The following ANO5 variants were observed in gnomAD, a reference collection of about 807,000 sequenced individuals.
The protein encoded by ANO5 is anoctamin 5.
Under a neutral mutation model 121.0 loss-of-function variants are expected in ANO5, and 109 were observed. The observed-to-expected ratio is 0.90, with a 90% CI of 0.77 to 1.06. ANO5 has a LOEUF of 1.06. Ranked by LOEUF, ANO5 falls within the 50% of genes least tolerant of loss-of-function variation. The pLI is 0.00. For missense variants in ANO5, 1,064 were observed against 1,078.5 expected (o/e 0.99, Z 0.19); for synonymous variants, 406 against 359.9 (o/e 1.13, Z -1.45).
intron 1 of ANO5, among the ~76,000 whole-genome samples, chr11:22,196,800 C>T (rs1171981967): frequency 1.3e-5 from 2 of 152,000 alleles, no homozygotes; most frequent in African/African-American, 2.4e-5. Context: ...ACCTGGGAGG[C>T]GTACGTTGCA....
intron 1 of ANO5, among the ~76,000 whole-genome samples, chr11:22,197,227 A>G (rs1262911916): frequency 2.0e-5 from 3 of 152,228 alleles, no homozygotes; most frequent in South Asian, 2.1e-4. Context: ...GTGATCTCCA[A>G]TTGGCTAATT....
intron 12 of ANO5, among the ~76,000 whole-genome samples, chr11:22,252,486 A>G (rs1564937545): frequency 6.6e-6 from 1 of 152,188 alleles, no homozygotes; most frequent in Non-Finnish European, 1.5e-5. Flanking sequence ...CACAAGTGAG[A>G]CTGATCACAT....
chr11:22,237,403 T>C (rs1196810647), intron 8 of ANO5, among the ~76,000 whole-genome samples: 1 of 152,118 alleles, frequency 6.6e-6, no homozygotes, highest in Admixed American at 6.6e-5. Context: ...TTTACTTTTG[T>C]TTTTTGAGAC....
chr11:22,257,077 T>TG (rs1246863917), intron 13 of ANO5, among the ~76,000 whole-genome samples: 4 of 146,402 alleles, frequency 2.7e-5, no homozygotes, highest in African/African-American at 8.3e-5. Flanking sequence ...ACAGCGTTTT[T>TG]TTTTTGTTTG....
At chr11:22,266,878 C>G (rs1301053683) in intron 17 of ANO5, among the ~76,000 whole-genome samples, 1 of 152,152 alleles carries the variant, frequency 6.6e-6, no homozygotes, top group Non-Finnish European at 1.5e-5. Context: ...TAACTCATCC[C>G]TCTCCAGTTG....
rs1372735468 is a variant in ANO5, at chr11:22,281,003, T to C, written c.*1238T>C. 1 of 152,014 alleles carries C rather than the reference T, an allele frequency of 6.6e-6. No individual in the cohort carries two copies. The highest frequency in any genetic ancestry group is 1.5e-5 in the Non-Finnish European group (1 of 67,894). The allele number at this position is 152,014 out of a possible 1,614,324, so 9.4% of individuals were successfully genotyped here. On this transcript the variant is annotated 3_prime_UTR_variant, in exon 22 of 22. Transcript: ENST00000324559. ...GGGGGAAAAAATGTTTGTTGAATTA[T>C]TCCTCTCAAATTTAGGCTTGTGTTA...
chr11:22,208,559 G>C (rs945318588), intron 2 of ANO5, among the ~76,000 whole-genome samples: 1 of 152,016 alleles, frequency 6.6e-6, no homozygotes, highest in African/African-American at 2.4e-5. Flanking sequence ...TAAAAGGGTA[G>C]CATGAGGAAG....
intron 9 of ANO5, among the ~76,000 whole-genome samples, chr11:22,246,457 T>C (rs897661849): frequency 6.6e-6 from 1 of 152,158 alleles, no homozygotes; most frequent in African/African-American, 2.4e-5. Flanking sequence ...GTCATGATAC[T>C]GAAGGCCTGT....
chr11:22,210,239 TAAATA>T (rs1180922616), intron 2 of ANO5, among the ~76,000 whole-genome samples: 1 of 151,976 alleles, frequency 6.6e-6, no homozygotes. Context: ...TAATTTATAT[TAAATA>T]TAGTGGTATG....
chr11:22,264,702 G>A (rs1402729274), intron 17 of ANO5, among the ~76,000 whole-genome samples: 1 of 152,074 alleles, frequency 6.6e-6, no homozygotes, highest in Non-Finnish European at 1.5e-5. Context: ...AGGTGATACT[G>A]TCATTAAAAT....
chr11:22,270,481 T>C (rs374835860), intron 18 of ANO5, 39 bp downstream of exon 18: 2 of 1,612,440 alleles, frequency 1.2e-6, no homozygotes, highest in Admixed American at 3.3e-5. Flanking sequence ...AGAGTTGGCA[T>C]GAATGAGTGG....
At chr11:22,220,136 A>G (rs1852593523) in intron 4 of ANO5, among the ~76,000 whole-genome samples, 1 of 151,954 alleles carries the variant, frequency 6.6e-6, no homozygotes, top group African/African-American at 2.4e-5. Context: ...ATAGGGTACA[A>G]TAAAGGAAAC....
chr11:22,193,439 C>T lies in ANO5; in HGVS notation c.-54C>T. The stretch of plus-strand genomic sequence containing the variant: ...CCTCAGATCTCCACGTCTGTCTCAG[C>T]TGCCCCTCTCCTGCTGCCTCTCAGG... On this transcript the variant is annotated 5_prime_UTR_variant, in exon 1 of 22. Coordinates refer to ENST00000324559, the MANE Select transcript of ANO5 (RefSeq NM_213599.3). 1.3e-6 allele frequency: 2 copies of T among 1,584,716 alleles called. No homozygotes were observed. Among genetic ancestry groups the T allele is most frequent in the Non-Finnish European group, 1.7e-6 (2 of 1,166,092 alleles).
In ANO5 at chr11:22,272,839, T is replaced by C. The variant is rs1854672864; in HGVS notation, c.2085T>C (p.Leu695=). 6.2e-7 allele frequency: 1 copy of C among 1,614,156 alleles called. No homozygotes were observed. Among genetic ancestry groups the C allele is most frequent in the African/African-American group, 1.3e-5 (1 of 75,054 alleles). ...TGGCCTCTTTTCCTTTGGCTCCTCT[T>C]CTTGCTCTCATAAATAATATTGTAG... ...LFVASFPLAP[L]LALINNIVEI... is the part of the protein sequence containing the mutation. Residue 695 remains leucine, a synonymous_variant, in exon 19 of 22, where the codon CTT becomes CTC. Coordinates refer to ENST00000324559, the MANE Select transcript of ANO5 (RefSeq NM_213599.3).
chr11:22,193,565 C>A (rs1248003523), intron 1 of ANO5, 33 bp downstream of exon 1: 6 of 1,606,882 alleles, frequency 3.7e-6, no homozygotes, highest in Non-Finnish European at 4.2e-6. Flanking sequence ...CAAGGGAGAG[C>A]CAGGCTGGCT....
intron 1 of ANO5, among the ~76,000 whole-genome samples, chr11:22,194,813 T>C (rs546130015): frequency 1.3e-5 from 2 of 152,354 alleles, no homozygotes; most frequent in African/African-American, 4.8e-5. Context: ...TGTAGAGATA[T>C]AGCATACCTA....
rs1433367040 is a variant in ANO5 at position 22,201,068 on chromosome 11, A to G, written c.41-2736A>G. Among the ~76,000 whole-genome samples, 7 of 152,194 alleles carry G rather than the reference A, an allele frequency of 4.6e-5. No individual in the cohort carries two copies. The East Asian group carries it at 1.3e-3, about 29-fold the overall frequency. On this transcript the variant is annotated intron_variant, in intron 1 of 21. Coordinates refer to ENST00000324559, the MANE Select transcript of ANO5 (RefSeq NM_213599.3). ...CTTGTGCATGCTTTAAATCATTGCT[A>G]GATTACTTATAATATGTAATACAAA... is the stretch of plus-strand genomic sequence containing the variant.
intron 17 of ANO5, among the ~76,000 whole-genome samples, chr11:22,269,134 A>AGGAAG (rs1321177145): frequency 6.9e-6 from 1 of 145,280 alleles, no homozygotes; most frequent in Admixed American, 6.8e-5. Flanking sequence ...AGGAAAGGAA[A>AGGAAG]GGAAGGGAGA....
In ANO5 at chr11:22,274,895, TC is replaced by T. The variant is rs1854775856; in HGVS notation, c.2414+149del. 12 of 1,120,640 alleles carry T rather than the reference TC, an allele frequency of 1.1e-5. No homozygotes were observed. In the South Asian group the frequency reaches 1.6e-4, roughly 15 times the overall value. 69.4% of individuals were successfully genotyped at this position (1,120,640 alleles called of 1,614,324 possible). ...AAATAAAGTGTATCCATTCTAGAAT[TC>T]ACACATTGCATGATTCAGATTTGAA... On this transcript the variant is annotated intron_variant, in intron 20 of 21. Transcript: ENST00000324559.
Sources: allele counts gnomAD v4.1 joint callset (sites outside exome capture counted in the v4.1 genomes callset), GRCh38; gene constraint gnomAD v4.1.1; transcripts MANE v1.5; gene names NCBI Gene and HGNC (gene_info 2026-07-23, HGNC 2026-07-21).